THSD7A: variants seen among roughly 807,000 people sequenced by gnomAD.
THSD7A encodes the protein thrombospondin type 1 domain containing 7A, also known as thrombospondin type-1 domain-containing protein 7A.
A neutral mutation model predicts 231.3 loss-of-function variants in THSD7A; 96 were observed. The observed-to-expected ratio is 0.41, with a 90% CI of 0.35 to 0.49. The LOEUF is 0.49. Among genes scored for constraint, THSD7A ranks in the 20% least tolerant of loss-of-function variants. The pLI is 0.05. For synonymous variants in THSD7A, 940 were observed against 743.3 expected (o/e 1.26, Z -4.30); for missense variants, 2,290 against 2,070.2 (o/e 1.11, Z -2.06).
Position 11,407,053 on chromosome 7 carries a change from T to C in THSD7A, c.3919A>G (p.Lys1307Glu), listed in dbSNP as rs1326370644. The change falls in exon 21 of 28, where the codon AAA becomes GAA. Residue 1307 changes from lysine to glutamate, a missense_variant and splice_region_variant. Transcript: ENST00000423059. ...GTCACTGTTCGTCTTCGGATCATTT[T>C]TCCTTGAAGAGATACAAAGTGATGC... Reference protein sequence around the residue: ...ECSQTCGLTGKMIRRRTVTQP... With the variant: ...ECSQTCGLTGEMIRRRTVTQP... 3.1e-6 allele frequency: 5 copies of C among 1,613,608 alleles called. No homozygotes were observed. The highest frequency in any genetic ancestry group is 2.2e-5 in the East Asian group (1 of 44,876).
At chr7:11,423,450 G>A (rs1157283293) in intron 16 of THSD7A, among the ~76,000 whole-genome samples, 1 of 149,354 alleles carries the variant, frequency 6.7e-6, no homozygotes, top group Non-Finnish European at 1.5e-5. Flanking sequence ...CTCACTGCAA[G>A]CTCCGCCTCC....
intron 4 of THSD7A, among the ~76,000 whole-genome samples, chr7:11,589,254 T>G (rs1023042235): frequency 2.1e-4 from 32 of 152,176 alleles, no homozygotes; most frequent in African/African-American, 7.5e-4. Context: ...TCCTCTCATC[T>G]CCTTTCCTCC....
chr7:11,756,151 T>C (rs1474148690), intron 1 of THSD7A, among the ~76,000 whole-genome samples: 1 of 152,130 alleles, frequency 6.6e-6, no homozygotes, highest in Non-Finnish European at 1.5e-5. Context: ...TTATACTTTC[T>C]CTTTCTGTCC....
intron 1 of THSD7A, among the ~76,000 whole-genome samples, chr7:11,812,198 T>C (rs1211781053): frequency 2.0e-5 from 3 of 151,766 alleles, no homozygotes; most frequent in African/African-American, 7.3e-5. Flanking sequence ...TCAGGTTTTT[T>C]GGGAGACACA....
At chr7:11,561,453 A>T (rs1301766534) in intron 4 of THSD7A, among the ~76,000 whole-genome samples, 2 of 152,232 alleles carry the variant, frequency 1.3e-5, no homozygotes, top group Non-Finnish European at 2.9e-5. Context: ...AATTATTATT[A>T]AAATGGGATA....
chr7:11,628,651 T>C (rs1280016734), intron 2 of THSD7A, among the ~76,000 whole-genome samples: 5 of 152,226 alleles, frequency 3.3e-5, no homozygotes, highest in Non-Finnish European at 7.3e-5. Context: ...CTTGAGATTA[T>C]GATCTTTGTT....
intron 2 of THSD7A, among the ~76,000 whole-genome samples, chr7:11,618,189 G>A (rs1781173806): frequency 6.6e-6 from 1 of 152,090 alleles, no homozygotes; most frequent in Non-Finnish European, 1.5e-5. Context: ...TAAAATTAAT[G>A]TCCAACAATA....
In THSD7A at chr7:11,632,336, A is replaced by C. The variant is rs931966593; in HGVS notation, c.1022+3794T>G. Among the ~76,000 whole-genome samples the C allele has an allele frequency of 2.0e-5, 3 of 152,096 alleles. No individual in the cohort carries two copies. The highest frequency in any genetic ancestry group is 4.4e-5 in the Non-Finnish European group (3 of 68,006). On this transcript the variant is annotated intron_variant, in intron 2 of 27. Transcript: ENST00000423059. The surrounding 1 kb of genome is among the most constrained non-coding windows in gnomAD (Gnocchi z 4.1). ...TTAAGCATATTTACATATTTGTTTT[A>C]AGTTTTCCTTTTGCAAATGAGATAT...
chr7:11,555,815 TA>T (rs1789821293), intron 4 of THSD7A, among the ~76,000 whole-genome samples: 1 of 151,858 alleles, frequency 6.6e-6, no homozygotes, highest in Admixed American at 6.6e-5. Flanking sequence ...TTTGTCATTA[TA>T]TAATTATATA....
intron 15 of THSD7A, among the ~76,000 whole-genome samples, chr7:11,426,422 C>T (rs1015198167): frequency 2.6e-5 from 4 of 152,078 alleles, no homozygotes; most frequent in Non-Finnish European, 1.5e-5. Flanking sequence ...ACTTGTTCTC[C>T]CCAACTCTTG....
At chr7:11,779,071 A>T (rs1443753950) in intron 1 of THSD7A, among the ~76,000 whole-genome samples, 1 of 152,174 alleles carries the variant, frequency 6.6e-6, no homozygotes, top group Non-Finnish European at 1.5e-5. Context: ...GGGTTTGAAA[A>T]ATTAGAATAA....
chr7:11,403,058 C>A (rs1017963596), intron 22 of THSD7A, among the ~76,000 whole-genome samples: 2 of 152,176 alleles, frequency 1.3e-5, no homozygotes, highest in Admixed American at 6.5e-5. Context: ...GAAATACACC[C>A]TTTCCATTAA....
intron 1 of THSD7A, among the ~76,000 whole-genome samples, chr7:11,657,809 G>T (rs533214944): frequency 2.0e-5 from 3 of 151,652 alleles, no homozygotes; most frequent in African/African-American, 7.3e-5. Flanking sequence ...AGATATAATT[G>T]GTATTGCTCC....
At chr7:11,749,582 T>C (rs1782432126) in intron 1 of THSD7A, among the ~76,000 whole-genome samples, 1 of 151,968 alleles carries the variant, frequency 6.6e-6, no homozygotes, top group South Asian at 2.1e-4. Context: ...TGAAGGGTAT[T>C]TGTTTATAAT....
chr7:11,610,785 T>A (rs1367526424), intron 2 of THSD7A, among the ~76,000 whole-genome samples: 4 of 152,158 alleles, frequency 2.6e-5, no homozygotes, highest in Admixed American at 2.0e-4. Context: ...TCATTACAAC[T>A]ATATGGAATT....
At position 11,574,465 on chromosome 7, in the gene THSD7A, C is replaced by T. The variant is rs1030908025; in HGVS notation, c.1453+15995G>A. 7.0e-5 allele frequency among the ~76,000 whole-genome samples: 10 copies of T among 141,886 alleles called. No homozygotes were observed. In the South Asian group the frequency reaches 1.1e-3, roughly 16 times the overall value. 93.1% of individuals were successfully genotyped at this position (141,886 alleles called of 152,430 possible). ...TTTTTTTTTTTTTGAGACAGAGTTTCGCTCTGTCGCCCAGGCTGGAGTGCA... is the reference window on the plus strand; with the variant it reads ...TTTTTTTTTTTTTGAGACAGAGTTTTGCTCTGTCGCCCAGGCTGGAGTGCA... On this transcript the variant is annotated intron_variant, in intron 4 of 27. Transcript: ENST00000423059.
intron 1 of THSD7A, among the ~76,000 whole-genome samples, chr7:11,795,880 C>A (rs573478949): frequency 6.6e-6 from 1 of 151,574 alleles, no homozygotes; most frequent in African/African-American, 2.4e-5. Flanking sequence ...AAAAATTCAT[C>A]AACTTCAATA....
rs750479108 is a variant in THSD7A, at chr7:11,411,179, G to A, written c.3798+28C>T. 71 of 1,543,416 alleles carry A rather than the reference G, an allele frequency of 4.6e-5. No individual in the cohort carries two copies. The Admixed American group carries it at 4.7e-4, about 10-fold the overall frequency. Reference sequence around the variant, plus strand: ...GAAATTATTAGGGAAGAATTTACTCGCGAAGATATAACACAGCATCCACCT... The same window carrying A: ...GAAATTATTAGGGAAGAATTTACTCACGAAGATATAACACAGCATCCACCT... On this transcript the variant is annotated intron_variant, in intron 19 of 27. Transcript: ENST00000423059. This position sits in a 1 kb window ranked among gnomAD's most constrained non-coding sequence, Gnocchi z 4.1.
intron 6 of THSD7A, among the ~76,000 whole-genome samples, chr7:11,495,208 C>T (rs1238017908): frequency 1.3e-5 from 2 of 151,956 alleles, no homozygotes; most frequent in Non-Finnish European, 1.5e-5. Context: ...GATTAAATTT[C>T]ATCTGATTTA....
Sources: gnomAD v4.1 joint callset for allele counts (sites outside exome capture counted in the v4.1 genomes callset) on GRCh38, gnomAD v4.1.1 for gene constraint, Gnocchi (gnomAD v3.1) non-coding constraint, MANE v1.5 for transcripts, NCBI Gene and HGNC (gene_info 2026-07-23, HGNC 2026-07-21) for gene names.